Variants in DRAXIN observed in about 807,000 individuals in gnomAD.
DRAXIN encodes the protein dorsal repulsive axon guidance protein.
Under a neutral mutation model 33.9 loss-of-function variants are expected in DRAXIN, and 27 were observed. That is an observed-to-expected ratio of 0.80 (90% CI 0.59 to 1.10). The LOEUF is 1.10. DRAXIN is among the 50% of genes least tolerant of loss of function. The probability of loss-of-function intolerance (pLI) is 0.00; values close to 1 mark genes in which losing one functional copy is unlikely to be tolerated. For missense variants in DRAXIN, 371 were observed against 460.8 expected, an observed-to-expected ratio of 0.81 and a Z score of 1.78; for synonymous variants, 178 against 194.0, an observed-to-expected ratio of 0.92 and a Z score of 0.69.
chr1:11,695,619 T>A (rs1367046501), intron 1 of DRAXIN, among the ~76,000 whole-genome samples: 34 of 150,120 alleles, frequency 2.3e-4, no homozygotes, highest in African/African-American at 8.1e-4. Context: ...AAAATATATA[T>A]ATATATATAT....
intron 5 of DRAXIN, among the ~76,000 whole-genome samples, chr1:11,713,852 A>G (rs115280674): frequency 6.6e-6 from 1 of 152,120 alleles, no homozygotes; most frequent in African/African-American, 2.4e-5. Context: ...CAGCCTGGCC[A>G]TGAAACCCCA....
rs751242725 is a variant in DRAXIN, at chr1:11,702,483, TATTC to T, written c.-10-3763_-10-3760del. ...ACATACATACCTACACACCCACACATATTCATGCTCTCACATGATCATAGTATAC... is the reference window on the plus strand; with the variant it reads ...ACATACATACCTACACACCCACACATATGCTCTCACATGATCATAGTATAC... On this transcript the variant is annotated intron_variant, in intron 1 of 6. Coordinates refer to ENST00000294485, the MANE Select transcript of DRAXIN (RefSeq NM_198545.4). 2.7e-4 allele frequency among the ~76,000 whole-genome samples: 40 copies of T among 149,288 alleles called. 1 individual carries two copies. Among genetic ancestry groups the T allele is most frequent in the East Asian group, 2.0e-4 (1 of 5,030 alleles).
Position 11,702,320 on chromosome 1 carries a change from ACG to A in DRAXIN, c.-10-3927_-10-3926del, listed in dbSNP as rs1300025506. 3.3e-5 allele frequency among the ~76,000 whole-genome samples: 5 copies of A among 150,744 alleles called. No homozygotes were observed. In the South Asian group the frequency reaches 6.3e-4, roughly 19 times the overall value. On this transcript the variant is annotated intron_variant, in intron 1 of 6. Coordinates refer to ENST00000294485, the MANE Select transcript of DRAXIN (RefSeq NM_198545.4). The stretch of plus-strand genomic sequence containing the variant: ...ATGCTCACAGCACACACACACGCTC[ACG>A]CACATGCTAACACTCCCACACATAC...
rs537210517 is a variant in DRAXIN at position 11,725,485 on chromosome 1, G to A, written c.*5789G>A. The A allele has an allele frequency of 3.9e-5, 6 of 152,204 alleles. No homozygotes were observed. Among genetic ancestry groups the A allele is most frequent in the East Asian group, 3.8e-4 (2 of 5,204 alleles). 9.4% of individuals were successfully genotyped at this position (152,204 alleles called of 1,614,324 possible). The stretch of plus-strand genomic sequence containing the variant: ...GAGAATCACAGGTCTAGGATACGAC[G>A]GGGAAAACAGAAATGTGGGGTGGTC... On this transcript the variant is annotated 3_prime_UTR_variant, in exon 7 of 7. Transcript: ENST00000294485.
chr1:11,689,020 G>A (rs1641011358), upstream of DRAXIN, among the ~76,000 whole-genome samples: 1 of 152,188 alleles, frequency 6.6e-6, no homozygotes, highest in African/African-American at 2.4e-5. Context: ...CAAAGGCCAG[G>A]CACACTGGCT....
intron 3 of DRAXIN, among the ~76,000 whole-genome samples, chr1:11,710,666 G>A (rs1366562444): frequency 1.3e-5 from 2 of 151,194 alleles, no homozygotes; most frequent in Admixed American, 6.6e-5. Flanking sequence ...TGTAATCCCA[G>A]CACTTTGGGA....
intron 6 of DRAXIN, among the ~76,000 whole-genome samples, chr1:11,718,542 C>T (rs896015742): frequency 1.3e-5 from 2 of 152,194 alleles, no homozygotes; most frequent in Non-Finnish European, 2.9e-5. Flanking sequence ...AGGCGCACTG[C>T]AGCCTGGAAC....
chr1:11,710,389 G>A (rs369038526), intron 3 of DRAXIN, among the ~76,000 whole-genome samples: 1 of 152,064 alleles, frequency 6.6e-6, no homozygotes. Context: ...CAGCTACTTG[G>A]GAGGCTGAGG....
upstream of DRAXIN, among the ~76,000 whole-genome samples, chr1:11,689,825 G>A (rs924012427): frequency 2.6e-5 from 4 of 151,904 alleles, no homozygotes; most frequent in Admixed American, 6.6e-5. Flanking sequence ...CCTGAGGTCT[G>A]GGTCAGGACC....
At position 11,709,135 on chromosome 1, in the gene DRAXIN, C is replaced by A. The variant is rs140371728; in HGVS notation, c.452-140C>A. Reference sequence around the variant, plus strand: ...CCAACCTCCCAAGAAGGGTAGGAAGCAGGAATGGGGGCTGAACCAAGGGCT... The same window carrying A: ...CCAACCTCCCAAGAAGGGTAGGAAGAAGGAATGGGGGCTGAACCAAGGGCT... On this transcript the variant is annotated intron_variant, in intron 2 of 6. Coordinates refer to ENST00000294485, the MANE Select transcript of DRAXIN (RefSeq NM_198545.4). 9.3e-4 allele frequency: 787 copies of A among 850,458 alleles called. 11 individuals are homozygous for A. In the East Asian group the frequency reaches 0.018, roughly 19 times the overall value. The allele number at this position is 850,458 out of a possible 1,614,324, so 52.7% of individuals were successfully genotyped here.
chr1:11,686,829 A>AC (rs989119417), upstream of DRAXIN, among the ~76,000 whole-genome samples: 3 of 151,780 alleles, frequency 2.0e-5, no homozygotes, highest in African/African-American at 7.3e-5. Context: ...AAAAAAAAAA[A>AC]AACTTCTCTG....
chr1:11,718,866 C>A lies in DRAXIN; in HGVS notation c.938-718C>A, dbSNP rs564168620. Among the ~76,000 whole-genome samples the A allele has an allele frequency of 1.3e-3, 195 of 152,094 alleles. 1 individual carries two copies. Among genetic ancestry groups the A allele is most frequent in the Non-Finnish European group, 2.3e-3 (155 of 68,024 alleles). The stretch of plus-strand genomic sequence containing the variant: ...ATGCAGTTTCTCCTATTAATAACAT[C>A]TTGCAATCATGTGGTAGATTTGTTT... On this transcript the variant is annotated intron_variant, in intron 6 of 6. Transcript: ENST00000294485.
rs779185495 is a variant in DRAXIN, at chr1:11,709,279, A to G, written c.456A>G (p.Arg152=). Residue 152 remains arginine (R), a synonymous_variant, in exon 3 of 7, where the codon CGA becomes CGG. Coordinates refer to ENST00000294485, the MANE Select transcript of DRAXIN (RefSeq NM_198545.4). ...GCTCCCCACCCTGTGTCTCAGGCCG[A>G]GCCTTGGTCCGAGGTCCCAGCTCCC... ...RRDRLRLHQG[R]ALVRGPSSLM... is the part of the protein sequence containing the mutation. 1 of 1,610,964 alleles carries G rather than the reference A, an allele frequency of 6.2e-7. No homozygotes were observed. The highest frequency in any genetic ancestry group is 1.3e-5 in the African/African-American group (1 of 74,862).
chr1:11,712,716 T>C (rs1308270834), intron 5 of DRAXIN, among the ~76,000 whole-genome samples: 5 of 151,102 alleles, frequency 3.3e-5, no homozygotes, highest in Non-Finnish European at 7.4e-5. Flanking sequence ...CTGGCCAACA[T>C]GGCGAAACCC....
chr1:11,689,799 G>A (rs1395011319), upstream of DRAXIN, among the ~76,000 whole-genome samples: 1 of 152,004 alleles, frequency 6.6e-6, no homozygotes, highest in East Asian at 1.9e-4. Context: ...TCTTGTGCGA[G>A]ATCCAAGAAC....
intron 1 of DRAXIN, among the ~76,000 whole-genome samples, chr1:11,700,724 G>A (rs1338860870): frequency 6.6e-6 from 1 of 152,206 alleles, no homozygotes; most frequent in African/African-American, 2.4e-5. Flanking sequence ...GTGGGGGGTT[G>A]CCTGCTTCAC....
chr1:11,712,156 C>T (rs530353842), intron 4 of DRAXIN, among the ~76,000 whole-genome samples, 184 bp from the exon 5 acceptor site: 34 of 152,132 alleles, frequency 2.2e-4, no homozygotes, highest in Middle Eastern at 3.2e-3. Context: ...ATGCTTATCA[C>T]GTGCCACACG....
chr1:11,688,962 G>A (rs200136559), upstream of DRAXIN, among the ~76,000 whole-genome samples: 1 of 152,178 alleles, frequency 6.6e-6, no homozygotes, highest in East Asian at 1.9e-4. This position sits in a 1 kb window ranked among gnomAD's most constrained non-coding sequence, Gnocchi z 4.6. Flanking sequence ...GTTTACAAAT[G>A]CCATGGCAAC....
In DRAXIN at chr1:11,710,657, G is replaced by A. The variant is rs373975075; in HGVS notation, c.642+1192G>A. On this transcript the variant is annotated intron_variant, in intron 3 of 6. Coordinates refer to ENST00000294485, the MANE Select transcript of DRAXIN (RefSeq NM_198545.4). ...AGGCCGGGCGCGGTGGCTCATGCCT[G>A]TAATCCCAGCACTTTGGGAGGCCAA... is the stretch of plus-strand genomic sequence containing the variant. Among the ~76,000 whole-genome samples, 4 of 151,454 alleles carry A rather than the reference G, an allele frequency of 2.6e-5. No individual in the cohort carries two copies. In the East Asian group the frequency reaches 7.8e-4, roughly 29 times the overall value.
Sources: gnomAD v4.1 joint callset for allele counts (sites outside exome capture counted in the v4.1 genomes callset) on GRCh38, gnomAD v4.1.1 for gene constraint, Gnocchi (gnomAD v3.1) non-coding constraint, MANE v1.5 for transcripts, NCBI Gene and HGNC (gene_info 2026-07-23, HGNC 2026-07-21) for gene names.